IL1RAPL2: variants seen among roughly 807,000 people sequenced by gnomAD.
IL1RAPL2 encodes the protein X-linked interleukin-1 receptor accessory protein-like 2.
In IL1RAPL2, 3 loss-of-function variants were observed where a neutral mutation model predicts 44.1. The ratio of observed to expected loss-of-function variants is 0.07; its 90% CI spans 0.03 to 0.18. The LOEUF (loss-of-function observed/expected upper bound fraction) is 0.18, where lower values mean the gene tolerates loss of function less well. Among genes scored for constraint, IL1RAPL2 ranks in the 10% least tolerant of loss-of-function variants. The pLI, the probability that IL1RAPL2 is intolerant of heterozygous loss-of-function variation, is 1.00. For synonymous variants in IL1RAPL2, 181 were observed against 178.8 expected (o/e 1.01, Z -0.10); for missense variants, 391 against 496.4 (o/e 0.79, Z 2.02).
At chrX:104,744,326 G>T (rs1347912534) in intron 2 of IL1RAPL2, among the ~76,000 whole-genome samples, 2 of 110,861 alleles carry the variant, frequency 1.8e-5, no homozygotes, top group African/African-American at 6.5e-5. Context: ...TCAATATTCT[G>T]GATAGCAAAG....
chrX:105,215,276 A>T (rs1463671920), intron 3 of IL1RAPL2, among the ~76,000 whole-genome samples: 1 of 112,180 alleles, frequency 8.9e-6, no homozygotes, highest in Admixed American at 9.5e-5. Flanking sequence ...GATACAGGGG[A>T]TATTACCACT....
At chrX:105,368,347 A>G (rs1019859811) in intron 5 of IL1RAPL2, among the ~76,000 whole-genome samples, 1 of 111,664 alleles carries the variant, frequency 9.0e-6, no homozygotes, top group African/African-American at 3.3e-5. Flanking sequence ...CAACAACCCA[A>G]TTCTGGACTT....
chrX:105,521,793 C>A (rs543700788), intron 6 of IL1RAPL2, among the ~76,000 whole-genome samples: 49 of 112,015 alleles, frequency 4.4e-4, no homozygotes, highest in African/African-American at 1.5e-3. Flanking sequence ...TTGGGCAGTT[C>A]TTTATACCAG....
At chrX:105,657,407 G>A (rs2147845616) in intron 6 of IL1RAPL2, among the ~76,000 whole-genome samples, 1 of 111,946 alleles carries the variant, frequency 8.9e-6, no homozygotes, top group South Asian at 3.7e-4. Flanking sequence ...TTATTTCTAA[G>A]GAAATTCATC....
intron 2 of IL1RAPL2, among the ~76,000 whole-genome samples, chrX:105,030,714 G>A (rs1029844560): frequency 4.5e-5 from 5 of 111,788 alleles, no homozygotes; most frequent in Non-Finnish European, 9.4e-5. Flanking sequence ...GCATAGGATT[G>A]ACTTGGAAAT....
intron 2 of IL1RAPL2, among the ~76,000 whole-genome samples, chrX:104,904,392 G>C (rs1406090132): frequency 1.9e-5 from 2 of 105,760 alleles, no homozygotes; most frequent in Non-Finnish European, 3.9e-5. Context: ...ATGCTGGTGC[G>C]CTGCACCCAC....
intron 1 of IL1RAPL2, among the ~76,000 whole-genome samples, chrX:104,616,336 C>A (rs1236311282): frequency 8.9e-6 from 1 of 112,186 alleles, no homozygotes; most frequent in Admixed American, 9.4e-5. Flanking sequence ...TTCTAACCTC[C>A]AAGCTGTCCT....
chrX:105,491,762 C>T (rs1236492846), intron 6 of IL1RAPL2, among the ~76,000 whole-genome samples: 2 of 112,056 alleles, frequency 1.8e-5, no homozygotes, highest in Admixed American at 1.9e-4. Context: ...AAAATCTGGA[C>T]CAAGCCTTTT....
intron 6 of IL1RAPL2, among the ~76,000 whole-genome samples, chrX:105,527,282 A>T (rs760053536): frequency 1.9e-3 from 213 of 111,239 alleles, no homozygotes; most frequent in Non-Finnish European, 2.3e-3. Context: ...AATTGAATGG[A>T]CCTATATTTC....
intron 5 of IL1RAPL2, among the ~76,000 whole-genome samples, chrX:105,362,564 A>ACC (rs1161483245): frequency 9.0e-6 from 1 of 110,610 alleles, no homozygotes; most frequent in African/African-American, 3.3e-5. Context: ...ACAATAAAGG[A>ACC]CCCTACAGTG....
rs763410637 is a variant in IL1RAPL2, at chrX:104,893,040, G to T, written c.82+234045G>T. Among the ~76,000 whole-genome samples the T allele has an allele frequency of 7.2e-5, 8 of 111,667 alleles. No individual in the cohort carries two copies. The South Asian group carries it at 3.0e-3, about 43-fold the overall frequency. On this transcript the variant is annotated intron_variant, in intron 2 of 10. Coordinates refer to ENST00000372582, the MANE Select transcript of IL1RAPL2 (RefSeq NM_017416.2). The stretch of plus-strand genomic sequence containing the variant: ...ATAACTTTATTTCTGCCTCCATTTC[G>T]TTACGTACCCAGTAGTCATTCAGGA...
chrX:105,721,581 G>A (rs762740146), intron 7 of IL1RAPL2, among the ~76,000 whole-genome samples: 1 of 111,540 alleles, frequency 9.0e-6, no homozygotes, highest in East Asian at 2.8e-4. Flanking sequence ...CAAAAGAAAA[G>A]TGAGGCACTG....
chrX:104,598,596 G>C (rs1349838083), intron 1 of IL1RAPL2, among the ~76,000 whole-genome samples: 1 of 112,235 alleles, frequency 8.9e-6, no homozygotes, highest in East Asian at 2.8e-4. Context: ...ATGCCTCTGT[G>C]TTAGGTTCTG....
intron 2 of IL1RAPL2, among the ~76,000 whole-genome samples, chrX:104,995,477 G>A (rs778814350): frequency 1.8e-5 from 2 of 111,460 alleles, no homozygotes; most frequent in Non-Finnish European, 3.8e-5. Flanking sequence ...CTAGAGTTAT[G>A]ATATTATACT....
At chrX:104,952,687 G>C (rs1184666252) in intron 2 of IL1RAPL2, among the ~76,000 whole-genome samples, 1 of 111,112 alleles carries the variant, frequency 9.0e-6, no homozygotes, top group Non-Finnish European at 1.9e-5. Context: ...CATATCATCT[G>C]ATCCCCTCAT....
At chrX:105,390,855 C>A (rs1260958278) in intron 5 of IL1RAPL2, among the ~76,000 whole-genome samples, 1 of 110,631 alleles carries the variant, frequency 9.0e-6, no homozygotes, top group Non-Finnish European at 1.9e-5. Flanking sequence ...AGATGGCTTT[C>A]ATCAGATAAA....
intron 6 of IL1RAPL2, among the ~76,000 whole-genome samples, chrX:105,505,116 T>C (rs2036422366): frequency 9.0e-6 from 1 of 111,283 alleles, no homozygotes; most frequent in Non-Finnish European, 1.9e-5. Flanking sequence ...TGCTCCCTCA[T>C]GTCCACAAAT....
At chrX:105,011,500 C>G (rs7891259) in intron 2 of IL1RAPL2, among the ~76,000 whole-genome samples, 1 of 111,179 alleles carries the variant, frequency 9.0e-6, no homozygotes, top group Non-Finnish European at 1.9e-5. Flanking sequence ...ACAGCTAGTC[C>G]TTGGCATCCA....
chrX:105,764,735 G>A (rs1406098502), intron 10 of IL1RAPL2, among the ~76,000 whole-genome samples: 1 of 111,175 alleles, frequency 9.0e-6, no homozygotes, highest in East Asian at 2.8e-4. Context: ...GAGATCAAGA[G>A]GTCGAGGTTG....
Sources: gnomAD v4.1 joint callset for allele counts (sites outside exome capture counted in the v4.1 genomes callset) on GRCh38, gnomAD v4.1.1 for gene constraint, MANE v1.5 for transcripts, NCBI Gene and HGNC (gene_info 2026-07-23, HGNC 2026-07-21) for gene names.